The following CEP43 variants were observed in gnomAD, a reference collection of about 807,000 sequenced individuals.
The protein encoded by CEP43 is FGFR1 oncogene partner.
A neutral mutation model predicts 52.6 loss-of-function variants in CEP43; 36 were observed. That is an observed-to-expected ratio of 0.68 (90% confidence interval 0.52 to 0.90). CEP43 has a LOEUF of 0.90. Among genes scored for constraint, CEP43 ranks in the 40% least tolerant of loss-of-function variants. CEP43 has a pLI of 0.00. For synonymous variants in CEP43, 192 were observed against 172.4 expected (o/e 1.11, Z -0.89); for missense variants, 506 against 472.8 (o/e 1.07, Z -0.65).
At chr6:167,004,150 A>C in intron 4 of CEP43, 114 bp from the exon 5 acceptor site, 2 of 1,106,480 alleles carry the variant, frequency 1.8e-6, no homozygotes, top group Non-Finnish European at 2.5e-6. Flanking sequence ...ATTCATTAGT[A>C]AGACAGTCTC....
At chr6:167,035,977 C>T (rs16899811) in intron 12 of CEP43, 12,345 of 784,148 alleles carry the variant, frequency 0.016, 145 homozygotes, top group East Asian at 0.09. Flanking sequence ...CTTAGCAGAA[C>T]AGGCATTCAA....
chr6:167,018,458 A>G (rs1780151103), intron 7 of CEP43, among the ~76,000 whole-genome samples: 1 of 151,972 alleles, frequency 6.6e-6, no homozygotes, highest in African/African-American at 2.4e-5. Context: ...GGCGGCGATT[A>G]CAGCTCACTG....
intron 9 of CEP43, among the ~76,000 whole-genome samples, chr6:167,025,925 C>A (rs967613212): frequency 7.2e-5 from 11 of 152,080 alleles, no homozygotes; most frequent in Non-Finnish European, 1.3e-4. Flanking sequence ...TTTAGAAATT[C>A]AAAGGAAAAA....
Position 167,019,279 on chromosome 6 carries a change from C to CGT in CEP43, c.580-3130_580-3129insGT, listed in dbSNP as rs1361108628. On this transcript the variant is annotated intron_variant, in intron 7 of 12. Transcript: ENST00000366847. ...CACGCATACACCTGCTGTGCACACA[C>CGT]ATACACCTGCTGTGCACACGCGTAC... 4.8e-5 allele frequency among the ~76,000 whole-genome samples: 7 copies of CGT among 144,878 alleles called. No individual in the cohort carries two copies. In the East Asian group the frequency reaches 1.4e-3, roughly 29 times the overall value.
At chr6:167,005,311 G>A (rs1272307552) in intron 5 of CEP43, among the ~76,000 whole-genome samples, 1 of 152,138 alleles carries the variant, frequency 6.6e-6, no homozygotes, top group African/African-American at 2.4e-5. Flanking sequence ...TCTGAATAGC[G>A]CAGAGCTATT....
intron 7 of CEP43, among the ~76,000 whole-genome samples, chr6:167,022,023 T>G (rs1780243757): frequency 6.6e-6 from 1 of 152,170 alleles, no homozygotes; most frequent in Admixed American, 6.5e-5. Context: ...TTAAGATAAC[T>G]TATGAAGCAA....
rs747681897 is a variant in CEP43 at position 167,024,756 on chromosome 6, G to A, written c.807-26G>A. On this transcript the variant is annotated intron_variant, in intron 8 of 12. Transcript: ENST00000366847. ...TTTAGTGGCAGAACATAAGAGCACCGATTAACTGTCCTTGTTTCTTGTTAG... is the reference window on the plus strand; with the variant it reads ...TTTAGTGGCAGAACATAAGAGCACCAATTAACTGTCCTTGTTTCTTGTTAG... 24 of 1,527,642 alleles carry A rather than the reference G, an allele frequency of 1.6e-5. No individual in the cohort carries two copies. The Admixed American group carries it at 2.4e-4, about 15-fold the overall frequency. The allele number at this position is 1,527,642 out of a possible 1,614,324, so 94.6% of individuals were successfully genotyped here.
rs1161082495 is a variant in CEP43 at position 167,043,996 on chromosome 6, C to T, written c.*4018C>T. The T allele has an allele frequency of 2.0e-5, 3 of 151,318 alleles. No homozygotes were observed. The highest frequency in any genetic ancestry group is 1.3e-4 in the Admixed American group (2 of 15,252). The allele number at this position is 151,318 out of a possible 1,614,324, so 9.4% of individuals were successfully genotyped here. A position where few individuals can be genotyped will look rare whatever the true frequency, so the allele number is the denominator to read the frequency against. ...CTCTGGAAGTTGATGAGATCATTAG[C>T]GCCCTTATAGGAGGCCCGGGAGAGC... On this transcript the variant is annotated 3_prime_UTR_variant, in exon 13 of 13. Transcript: ENST00000366847.
At chr6:167,036,373 TAGA>T in intron 12 of CEP43, 1 of 985,318 alleles carries the variant, frequency 1.0e-6, no homozygotes, top group African/African-American at 1.7e-5. Flanking sequence ...GCAGGGTTGT[TAGA>T]AGGTGACTTT....
At position 167,000,129 on chromosome 6, in the gene CEP43, A is replaced by T. The variant is rs780896755; in HGVS notation, c.156+16A>T. On this transcript the variant is annotated intron_variant, in intron 2 of 12. Coordinates refer to ENST00000366847, the MANE Select transcript of CEP43 (RefSeq NM_007045.4). ...AAAAGTAGAGGTATGAAGTTTCCAG[A>T]TTTTAACATGGCTGTATTCGTTAAT... The T allele has an allele frequency of 3.8e-6, 6 of 1,588,158 alleles. No individual in the cohort carries two copies. In the Admixed American group the frequency reaches 1.0e-4, roughly 27 times the overall value.
chr6:167,042,175 G>C lies in CEP43; in HGVS notation c.*2197G>C. The stretch of plus-strand genomic sequence containing the variant: ...TGACTTAAAGTTCAACTATGAAAAA[G>C]CTTTCTTTTCACATGTACTTTTTGA... On this transcript the variant is annotated 3_prime_UTR_variant, in exon 13 of 13. Coordinates refer to ENST00000366847, the MANE Select transcript of CEP43 (RefSeq NM_007045.4). The C allele has an allele frequency of 3.0e-6, 3 of 1,007,590 alleles. No individual in the cohort carries two copies. Among genetic ancestry groups the C allele is most frequent in the Non-Finnish European group, 3.6e-6 (3 of 842,382 alleles). The allele number at this position is 1,007,590 out of a possible 1,614,324, so 62.4% of individuals were successfully genotyped here. A position where few individuals can be genotyped will look rare whatever the true frequency, so the allele number is the denominator to read the frequency against.
intron 7 of CEP43, among the ~76,000 whole-genome samples, chr6:167,021,783 G>A (rs1185808062): frequency 6.6e-6 from 1 of 152,006 alleles, no homozygotes; most frequent in Non-Finnish European, 1.5e-5. Flanking sequence ...AAGTTACCCT[G>A]GAAGTTAGAA....
chr6:167,044,537 A>G lies in CEP43; in HGVS notation c.*4559A>G, dbSNP rs1582964549. The G allele has an allele frequency of 1.0e-6, 1 of 985,442 alleles. No homozygotes were observed. Among genetic ancestry groups the G allele is most frequent in the African/African-American group, 1.7e-5 (1 of 57,366 alleles). 61.0% of individuals were successfully genotyped at this position (985,442 alleles called of 1,614,324 possible). A position where few individuals can be genotyped will look rare whatever the true frequency, so the allele number is the denominator to read the frequency against. ...GGAAACCTGGGTGTGCACCGGGTGA[A>G]TGAGAGTGGCAGACAGAAGGAAACA... On this transcript the variant is annotated 3_prime_UTR_variant, in exon 13 of 13. Coordinates refer to ENST00000366847, the MANE Select transcript of CEP43 (RefSeq NM_007045.4).
Position 167,045,456 on chromosome 6 carries a change from G to C in CEP43, c.*5478G>C, listed in dbSNP as rs907181990. On this transcript the variant is annotated 3_prime_UTR_variant, in exon 13 of 13. Coordinates refer to ENST00000366847, the MANE Select transcript of CEP43 (RefSeq NM_007045.4). ...TCTTTAAAAACCAATTTTGGGCCGG[G>C]CACGGTGGCTCACGCCTGTAATCCC... 2 of 151,770 alleles carry C rather than the reference G, an allele frequency of 1.3e-5. No individual in the cohort carries two copies. Among genetic ancestry groups the C allele is most frequent in the African/African-American group, 4.8e-5 (2 of 41,376 alleles). The allele number at this position is 151,770 out of a possible 1,614,324, so 9.4% of individuals were successfully genotyped here. A position where few individuals can be genotyped will look rare whatever the true frequency, so the allele number is the denominator to read the frequency against.
At chr6:167,018,349 GTCCAGAGAATGAA>G (rs1780147658) in intron 7 of CEP43, among the ~76,000 whole-genome samples, 1 of 152,140 alleles carries the variant, frequency 6.6e-6, no homozygotes. Context: ...TTTTGTGCTT[GTCCAGAGAATGAA>G]TTCTAAGGCA....
chr6:167,018,084 G>T lies in CEP43; in HGVS notation c.580-4325G>T, dbSNP rs143830492. Among the ~76,000 whole-genome samples, 121 of 152,246 alleles carry T rather than the reference G, an allele frequency of 7.9e-4. 1 individual carries two copies. The East Asian group carries it at 0.019, about 23-fold the overall frequency. ...GGCTGCTAGACCCAGATGCTGTTTG[G>T]CTTGTAGATGGATTACTCCAGTCTT... On this transcript the variant is annotated intron_variant, in intron 7 of 12. Transcript: ENST00000366847.
intron 5 of CEP43, among the ~76,000 whole-genome samples, chr6:167,008,764 G>A (rs148678981): frequency 2.6e-4 from 40 of 151,610 alleles, no homozygotes; most frequent in African/African-American, 8.9e-4. Flanking sequence ...GTGAACCACC[G>A]TGCCCAGCTG....
At chr6:167,018,450 CG>C (rs200105648) in intron 7 of CEP43, among the ~76,000 whole-genome samples, 3,084 of 151,938 alleles carry the variant, frequency 0.02, 51 homozygotes, top group East Asian at 0.091. Flanking sequence ...AGTGCAGTGG[CG>C]GCGATTACAG....
In CEP43 at chr6:167,041,297, C is replaced by G. The variant is rs1780689300; in HGVS notation, c.*1319C>G. ...GGAAATGAAAATGTAAGGATTAAGG[C>G]TGTGTAACAGAATCTGGCTTTTTAA... On this transcript the variant is annotated 3_prime_UTR_variant, in exon 13 of 13. Transcript: ENST00000366847. The G allele has an allele frequency of 9.5e-7, 1 of 1,052,108 alleles. No individual in the cohort carries two copies. Among genetic ancestry groups the G allele is most frequent in the Non-Finnish European group, 1.1e-6 (1 of 871,018 alleles). The allele number at this position is 1,052,108 out of a possible 1,614,324, so 65.2% of individuals were successfully genotyped here.
Sources: allele counts gnomAD v4.1 joint callset (sites outside exome capture counted in the v4.1 genomes callset), GRCh38; gene constraint gnomAD v4.1.1; transcripts MANE v1.5; gene names NCBI Gene and HGNC (gene_info 2026-07-23, HGNC 2026-07-21).